The following UNK variants were observed in gnomAD, a reference collection of about 807,000 sequenced individuals.
UNK encodes RING finger protein unkempt homolog.
Under a neutral mutation model 97.6 loss-of-function variants are expected in UNK, and 32 were observed. That is an observed-to-expected ratio of 0.33 (90% CI 0.25 to 0.44). The LOEUF is 0.44. Ranked by LOEUF, UNK falls within the 20% of genes least tolerant of loss-of-function variation. UNK has a pLI of 1.00. For synonymous variants in UNK, 441 were observed against 461.2 expected, an observed-to-expected ratio of 0.96 and a Z score of 0.56; for missense variants, 771 against 1,098.4, an observed-to-expected ratio of 0.70 and a Z score of 4.21.
intron 1 of UNK, among the ~76,000 whole-genome samples, chr17:75,789,637 G>A (rs10221244): frequency 0.51 from 77,502 of 152,062 alleles, 23,758 homozygotes; most frequent in South Asian, 0.66. Flanking sequence ...CGCCTGGCCT[G>A]TGACCTCCTT....
In UNK at chr17:75,794,272, T is replaced by C. The variant is rs1443191985; in HGVS notation, c.104+9288T>C. 5.6e-6 allele frequency: 4 copies of C among 718,142 alleles called. No homozygotes were observed. In the Admixed American group the frequency reaches 2.5e-4, roughly 45 times the overall value. 44.5% of individuals were successfully genotyped at this position (718,142 alleles called of 1,614,324 possible). A position where few individuals can be genotyped will look rare whatever the true frequency, so the allele number is the denominator to read the frequency against. ...GCCTGTCCGAAACTCTCTGACATAT[T>C]CTAAACAGCTTTCAGAGAGTCACTG... On this transcript the variant is annotated intron_variant, in intron 1 of 15. Coordinates refer to ENST00000589666, the MANE Select transcript of UNK (RefSeq NM_001080419.3).
intron 1 of UNK, among the ~76,000 whole-genome samples, chr17:75,801,289 A>G (rs928996729): frequency 5.9e-5 from 9 of 152,118 alleles, no homozygotes; most frequent in Non-Finnish European, 1.5e-5. Context: ...CACTTCAAGT[A>G]TTTTACTTTT....
chr17:75,814,071 C>G (rs774375277), intron 6 of UNK, among the ~76,000 whole-genome samples, 193 bp downstream of exon 6: 2 of 152,170 alleles, frequency 1.3e-5, no homozygotes, highest in African/African-American at 2.4e-5. Context: ...TCTGAGCCCA[C>G]GCTCACCAAG....
At chr17:75,790,929 G>A (rs2061758650) in intron 1 of UNK, among the ~76,000 whole-genome samples, 1 of 152,090 alleles carries the variant, frequency 6.6e-6, no homozygotes, top group African/African-American at 2.4e-5. Flanking sequence ...AACAGAGCGA[G>A]ACTCTGGCTT....
At chr17:75,785,316 C>G (rs908009871) in intron 1 of UNK, 1 of 250,630 alleles carries the variant, frequency 4.0e-6, no homozygotes, top group African/African-American at 2.3e-5. Context: ...TCCTTTGGGG[C>G]AGTGAGAAGT....
At chr17:75,795,671 T>C (rs1440922799) in intron 1 of UNK, among the ~76,000 whole-genome samples, 1 of 152,046 alleles carries the variant, frequency 6.6e-6, no homozygotes, top group Non-Finnish European at 1.5e-5. Context: ...CAAGGTATTA[T>C]ATAATTTGGG....
rs926140794 is a variant in UNK at position 75,817,782 on chromosome 17, G to A, written c.1305+256G>A. ...GAGGAGCCAGATCCCGCCTGGGTGCGGTCCTTCGGCTGCCCTGAACTGCCT... is the reference window on the plus strand; with the variant it reads ...GAGGAGCCAGATCCCGCCTGGGTGCAGTCCTTCGGCTGCCCTGAACTGCCT... On this transcript the variant is annotated intron_variant, in intron 9 of 15. Coordinates refer to ENST00000589666, the MANE Select transcript of UNK (RefSeq NM_001080419.3). The surrounding 1 kb of genome is among the most constrained non-coding windows in gnomAD (Gnocchi z 5.8). 6.6e-6 allele frequency among the ~76,000 whole-genome samples: 1 copy of A among 152,110 alleles called. No homozygotes were observed. Among genetic ancestry groups the A allele is most frequent in the South Asian group, 2.1e-4 (1 of 4,820 alleles).
intron 1 of UNK, among the ~76,000 whole-genome samples, chr17:75,788,087 GAAT>G (rs2061729664): frequency 6.6e-6 from 1 of 152,028 alleles, no homozygotes; most frequent in African/African-American, 2.4e-5. Flanking sequence ...ATACGGAGTG[GAAT>G]AATAATTGAT....
chr17:75,788,605 G>A (rs917303399), intron 1 of UNK, among the ~76,000 whole-genome samples: 1 of 152,156 alleles, frequency 6.6e-6, no homozygotes. Flanking sequence ...GCCCGCCTCG[G>A]CCTCCCAAAG....
chr17:75,812,616 C>T (rs370930226), intron 4 of UNK, 31 bp downstream of exon 4: 1 of 1,602,740 alleles, frequency 6.2e-7, no homozygotes, highest in Non-Finnish European at 8.5e-7. Context: ...GCCGCGCCCT[C>T]CCTATAATCC....
chr17:75,799,984 C>A (rs2061840829), intron 1 of UNK, among the ~76,000 whole-genome samples: 1 of 152,156 alleles, frequency 6.6e-6, no homozygotes, highest in Admixed American at 6.6e-5. Flanking sequence ...GACAAAAAAA[C>A]CCAAGTGTAG....
chr17:75,818,988 G>A lies in UNK; in HGVS notation c.1546+172G>A, dbSNP rs1599388734. ...GAGCTAAAGGGGAAATGACCCCAAGGTGTAGGGCCAGGACTGACCCTTAGA... is the reference window on the plus strand; with the variant it reads ...GAGCTAAAGGGGAAATGACCCCAAGATGTAGGGCCAGGACTGACCCTTAGA... On this transcript the variant is annotated intron_variant, in intron 11 of 15. Transcript: ENST00000589666. The surrounding 1 kb of genome is among the most constrained non-coding windows in gnomAD (Gnocchi z 5.1). 16 of 769,200 alleles carry A rather than the reference G, an allele frequency of 2.1e-5. 1 individual carries two copies. In the South Asian group the frequency reaches 2.9e-4, roughly 14 times the overall value. 47.6% of individuals were successfully genotyped at this position (769,200 alleles called of 1,614,324 possible).
In UNK at chr17:75,819,007, C is replaced by T; in HGVS notation, c.1546+191C>T. 2 of 589,518 alleles carry T rather than the reference C, an allele frequency of 3.4e-6. No homozygotes were observed. The highest frequency in any genetic ancestry group is 6.0e-5 in the South Asian group (2 of 33,168). 36.5% of individuals were successfully genotyped at this position (589,518 alleles called of 1,614,324 possible). ...CCCAAGGTGTAGGGCCAGGACTGAC[C>T]CTTAGAGCTCCTTTGTGCAAATTAG... On this transcript the variant is annotated intron_variant, in intron 11 of 15. Coordinates refer to ENST00000589666, the MANE Select transcript of UNK (RefSeq NM_001080419.3). The surrounding 1 kb of genome is among the most constrained non-coding windows in gnomAD (Gnocchi z 5.4).
At position 75,824,206 on chromosome 17, in the gene UNK, C is replaced by T. The variant is rs2062096778; in HGVS notation, c.2278-56C>T. 13 of 1,500,762 alleles carry T rather than the reference C, an allele frequency of 8.7e-6. No individual in the cohort carries two copies. The highest frequency in any genetic ancestry group is 1.8e-4 in the Middle Eastern group (1 of 5,684). 93.0% of individuals were successfully genotyped at this position (1,500,762 alleles called of 1,614,324 possible). On this transcript the variant is annotated intron_variant, in intron 15 of 15. Transcript: ENST00000589666. This position sits in a 1 kb window ranked among gnomAD's most constrained non-coding sequence, Gnocchi z 4.9. ...TGCAGTGAGGATCAAGGGAACTCCT[C>T]GCTCAACTTGGGGCCAGACCCATGG...
intron 1 of UNK, among the ~76,000 whole-genome samples, chr17:75,803,124 C>G (rs1402051297): frequency 6.7e-6 from 1 of 149,312 alleles, no homozygotes; most frequent in Non-Finnish European, 1.5e-5. Flanking sequence ...ACAGGCCGGA[C>G]GCGGTGGCTC....
At position 75,819,866 on chromosome 17, in the gene UNK, C is replaced by T. The variant is rs116070090; in HGVS notation, c.1649-54C>T. ...CTCAGGCCCCTTGCTCTGTGTGGCC[C>T]GCCTGGCTTCCGCTGCCCTCACCCA... On this transcript the variant is annotated intron_variant, in intron 12 of 15. Transcript: ENST00000589666. The surrounding 1 kb of genome is among the most constrained non-coding windows in gnomAD (Gnocchi z 5.4). The T allele has an allele frequency of 1.8e-4, 293 of 1,603,146 alleles. No homozygotes were observed. In the African/African-American group the frequency reaches 2.4e-3, roughly 13 times the overall value.
Position 75,809,896 on chromosome 17 carries a change from A to G in UNK, c.241A>G (p.Thr81Ala). The G allele has an allele frequency of 1.2e-6, 2 of 1,613,872 alleles. No individual in the cohort carries two copies. Among genetic ancestry groups the G allele is most frequent in the Non-Finnish European group, 8.5e-7 (1 of 1,179,898 alleles). ...RRRSIRRRDG[T>A]FNYSPDVYCT... ...CCGGTCCATCCGCCGTCGGGACGGCACCTTCAATTACAGCCCTGACGTCTA... is the reference window on the plus strand; with the variant it reads ...CCGGTCCATCCGCCGTCGGGACGGCGCCTTCAATTACAGCCCTGACGTCTA... Residue 81 changes from threonine (T) to alanine (A), a missense_variant, in exon 2 of 16, where the codon ACC (threonine) becomes GCC (alanine). Physicochemically the swap from Thr to Ala is moderately conservative, Grantham distance 58. Around this residue, in one of 5 missense-constraint regions of UNK, gnomAD observed 246 missense variants for 440.7 expected, o/e 0.56. Coordinates refer to ENST00000589666, the MANE Select transcript of UNK (RefSeq NM_001080419.3).
chr17:75,784,867 A>C lies in UNK; in HGVS notation c.-14A>C. On this transcript the variant is annotated 5_prime_UTR_variant, in exon 1 of 16. Coordinates refer to ENST00000589666, the MANE Select transcript of UNK (RefSeq NM_001080419.3). Reference sequence around the variant, plus strand: ...AATAAAAGGGGAGCGGCGAAGAGGCAGGAAGACAAGACCATGTCGAAGGGC... The same window carrying C: ...AATAAAAGGGGAGCGGCGAAGAGGCCGGAAGACAAGACCATGTCGAAGGGC... The C allele has an allele frequency of 6.2e-7, 1 of 1,602,876 alleles. No individual in the cohort carries two copies. Among genetic ancestry groups the C allele is most frequent in the Non-Finnish European group, 8.5e-7 (1 of 1,175,196 alleles).
At chr17:75,806,493 G>T (rs1469725421) in intron 1 of UNK, among the ~76,000 whole-genome samples, 1 of 150,722 alleles carries the variant, frequency 6.6e-6, no homozygotes, top group East Asian at 2.0e-4. Context: ...TAAATTTTGG[G>T]CCGGGCGCGG....
Sources: allele counts gnomAD v4.1 joint callset (sites outside exome capture counted in the v4.1 genomes callset), GRCh38; gene constraint gnomAD v4.1.1; regional missense constraint gnomAD v4.1.1; non-coding constraint Gnocchi (gnomAD v3.1); transcripts MANE v1.5; gene names NCBI Gene and HGNC (gene_info 2026-07-23, HGNC 2026-07-21).